ADARB1: variants seen among roughly 807,000 people sequenced by gnomAD.
ADARB1 encodes the protein adenosine deaminase RNA specific B1, also known as double-stranded RNA-specific editase 1.
Under a neutral mutation model 52.4 loss-of-function variants are expected in ADARB1, and 10 were observed. That is an observed-to-expected ratio of 0.19 (90% CI 0.12 to 0.32). The LOEUF is 0.32. ADARB1 is among the 10% of genes least tolerant of loss of function. The pLI is 1.00. For synonymous variants in ADARB1, 349 were observed against 371.1 expected, an observed-to-expected ratio of 0.94 and a Z score of 0.68; for missense variants, 643 against 922.3, an observed-to-expected ratio of 0.70 and a Z score of 3.92.
chr21:45,208,591 G>GT lies in ADARB1; in HGVS notation c.1747+3856dup, dbSNP rs1417802322. ...GGAGTGAGAGAGAAGGAACATCACT[G>GT]TGAGAGTGTGGAAAGTGTGTGTGTG... On this transcript the variant is annotated intron_variant, in intron 9 of 10. Transcript: ENST00000348831. This position sits in a 1 kb window ranked among gnomAD's most constrained non-coding sequence, Gnocchi z 5.6. Among the ~76,000 whole-genome samples, 1 of 151,936 alleles carries GT rather than the reference G, an allele frequency of 6.6e-6. No individual in the cohort carries two copies. The highest frequency in any genetic ancestry group is 2.4e-5 in the African/African-American group (1 of 41,382).
At chr21:45,152,449 T>C (rs1387509725) in intron 2 of ADARB1, among the ~76,000 whole-genome samples, 2 of 152,320 alleles carry the variant, frequency 1.3e-5, no homozygotes, top group East Asian at 3.9e-4. Flanking sequence ...AACTGCGGCA[T>C]GATGAATGGG....
intron 2 of ADARB1, among the ~76,000 whole-genome samples, chr21:45,169,424 G>A (rs969156920): frequency 1.3e-5 from 2 of 152,130 alleles, no homozygotes; most frequent in Admixed American, 6.5e-5. Context: ...AGCTTTTGTT[G>A]CAGCTTTTTG....
At chr21:45,100,483 C>T (rs1342241293) in intron 1 of ADARB1, 2 of 152,258 alleles carry the variant, frequency 1.3e-5, no homozygotes, top group Non-Finnish European at 1.5e-5. Flanking sequence ...CGCACACTAC[C>T]TGGTCATATT....
At chr21:45,164,520 C>G (rs548453417) in intron 2 of ADARB1, among the ~76,000 whole-genome samples, 3 of 48,198 alleles carry the variant, frequency 6.2e-5, no homozygotes, top group Non-Finnish European at 1.4e-4. Context: ...TTGCACTGTG[C>G]GTGGAGGGAG....
intron 2 of ADARB1, chr21:45,137,308 G>A (rs1042258269): frequency 6.6e-6 from 1 of 152,258 alleles, no homozygotes; most frequent in African/African-American, 2.4e-5. Flanking sequence ...GCTGGAGGCT[G>A]AGGTTCCAGC....
In ADARB1 at chr21:45,223,965, C is replaced by G; in HGVS notation, c.*1768C>G. On this transcript the variant is annotated 3_prime_UTR_variant, in exon 11 of 11. Transcript: ENST00000348831. ...GGTAGTTGTCTCCCTGAAGCAGTCA[C>G]AGCAGGCGTCTCTGCCGCTCCGTCA... 1.0e-6 allele frequency: 1 copy of G among 985,468 alleles called. No homozygotes were observed. Among genetic ancestry groups the G allele is most frequent in the Non-Finnish European group, 1.2e-6 (1 of 829,982 alleles). The allele number at this position is 985,468 out of a possible 1,614,324, so 61.0% of individuals were successfully genotyped here.
chr21:45,184,887 A>AC lies in ADARB1; in HGVS notation c.1397-35dup, dbSNP rs748885039. 20 of 1,566,408 alleles carry AC rather than the reference A, an allele frequency of 1.3e-5. No individual in the cohort carries two copies. The South Asian group carries it at 2.2e-4, about 17-fold the overall frequency. Reference sequence around the variant, plus strand: ...TTTCAATAAATCAAATAGATGGTTTACTACCTGTGGGGTTTTAACTCTTTT... The same window carrying AC: ...TTTCAATAAATCAAATAGATGGTTTACCTACCTGTGGGGTTTTAACTCTTTT... On this transcript the variant is annotated intron_variant, in intron 7 of 10. Coordinates refer to ENST00000348831, the MANE Select transcript of ADARB1 (RefSeq NM_001112.4).
intron 1 of ADARB1, among the ~76,000 whole-genome samples, chr21:45,087,977 G>A (rs554412650): frequency 2.3e-4 from 35 of 152,280 alleles, no homozygotes; most frequent in Non-Finnish European, 4.3e-4. Flanking sequence ...AAGCAGAATC[G>A]TAGTGGATAA....
chr21:45,218,804 G>C (rs2092913375), intron 9 of ADARB1, among the ~76,000 whole-genome samples: 1 of 152,242 alleles, frequency 6.6e-6, no homozygotes, highest in Non-Finnish European at 1.5e-5. Flanking sequence ...TCATCTGAGA[G>C]TGCAGTGTGC....
intron 9 of ADARB1, among the ~76,000 whole-genome samples, chr21:45,206,309 A>C (rs1031338192): frequency 6.6e-6 from 1 of 152,242 alleles, no homozygotes; most frequent in Non-Finnish European, 1.5e-5. Flanking sequence ...GGCCTTGTTG[A>C]ATAGCGCTGT....
intron 1 of ADARB1, among the ~76,000 whole-genome samples, chr21:45,085,215 C>G (rs931893175): frequency 6.6e-6 from 1 of 152,150 alleles, no homozygotes; most frequent in African/African-American, 2.4e-5. Flanking sequence ...TCTGACTGGC[C>G]GAGTGCACCC....
At chr21:45,136,514 C>T (rs1028147207) in intron 2 of ADARB1, among the ~76,000 whole-genome samples, 5 of 152,238 alleles carry the variant, frequency 3.3e-5, no homozygotes, top group African/African-American at 1.2e-4. Flanking sequence ...GTTTCAGAAC[C>T]TGTAGCAGCG....
chr21:45,127,893 G>A (rs1321632371), intron 1 of ADARB1, among the ~76,000 whole-genome samples: 1 of 152,110 alleles, frequency 6.6e-6, no homozygotes, highest in Non-Finnish European at 1.5e-5. Context: ...GGTTGAAAAC[G>A]CTTTCACACA....
At chr21:45,206,083 T>C (rs1378396334) in intron 9 of ADARB1, among the ~76,000 whole-genome samples, 2 of 152,204 alleles carry the variant, frequency 1.3e-5, no homozygotes, top group Non-Finnish European at 2.9e-5. Flanking sequence ...TAGGTTGAAA[T>C]TGTAGCATCA....
At position 45,220,224 on chromosome 21, in the gene ADARB1, A is replaced by G. The variant is rs1195520097; in HGVS notation, c.1748-612A>G. Among the ~76,000 whole-genome samples the G allele has an allele frequency of 6.6e-6, 1 of 152,158 alleles. No homozygotes were observed. The highest frequency in any genetic ancestry group is 2.4e-5 in the African/African-American group (1 of 41,428). On this transcript the variant is annotated intron_variant, in intron 9 of 10. Transcript: ENST00000348831. This position sits in a 1 kb window ranked among gnomAD's most constrained non-coding sequence, Gnocchi z 6.3. ...TATTTTGGTGCCAAAAAATTTTGAA[A>G]TCCATGAGGTTTTTTCATAATAAGC...
chr21:45,131,621 G>A (rs924083914), intron 2 of ADARB1, among the ~76,000 whole-genome samples: 3 of 152,192 alleles, frequency 2.0e-5, no homozygotes, highest in East Asian at 1.9e-4. Flanking sequence ...CATCGCTGCC[G>A]CCTCCTGCTC....
Position 45,224,457 on chromosome 21 carries a change from G to A in ADARB1, c.*2260G>A. The A allele has an allele frequency of 1.0e-6, 1 of 991,164 alleles. No homozygotes were observed. The highest frequency in any genetic ancestry group is 1.2e-6 in the Non-Finnish European group (1 of 834,130). The allele number at this position is 991,164 out of a possible 1,614,324, so 61.4% of individuals were successfully genotyped here. A position where few individuals can be genotyped will look rare whatever the true frequency, so the allele number is the denominator to read the frequency against. On this transcript the variant is annotated 3_prime_UTR_variant, in exon 11 of 11. Coordinates refer to ENST00000348831, the MANE Select transcript of ADARB1 (RefSeq NM_001112.4). ...CCTATCCCAAGCCGTCCAGGCAGGA[G>A]GAAGGCAGCCAAGGCAACTGGGTTC...
Position 45,176,454 on chromosome 21 carries a change from C to G in ADARB1, c.753C>G (p.Phe251Leu), listed in dbSNP as rs73384785. 1 of 1,614,174 alleles carries G rather than the reference C, an allele frequency of 6.2e-7. No homozygotes were observed. The highest frequency in any genetic ancestry group is 8.5e-7 in the Non-Finnish European group (1 of 1,180,042). Residue 251 changes from phenylalanine to leucine, a missense_variant, in exon 4 of 11, where the codon TTC becomes TTG. Coordinates refer to ENST00000348831, the MANE Select transcript of ADARB1 (RefSeq NM_001112.4). This position sits in a 1 kb window ranked among gnomAD's most constrained non-coding sequence, Gnocchi z 5.8. ...TGCGCCCAGGACTCAAGTATGACTT[C>G]CTCTCCGAGAGCGGGGAGAGCCATG... is the stretch of plus-strand genomic sequence containing the variant. ...NELRPGLKYD[F>L]LSESGESHAK...
intron 9 of ADARB1, among the ~76,000 whole-genome samples, chr21:45,207,564 G>T (rs771120006): frequency 2.6e-5 from 4 of 152,186 alleles, no homozygotes; most frequent in Non-Finnish European, 4.4e-5. Flanking sequence ...TTAAAAATGG[G>T]TCCCAAAGCA....
Sources: allele counts gnomAD v4.1 joint callset (sites outside exome capture counted in the v4.1 genomes callset), GRCh38; gene constraint gnomAD v4.1.1; non-coding constraint Gnocchi (gnomAD v3.1); transcripts MANE v1.5; gene names NCBI Gene and HGNC (gene_info 2026-07-23, HGNC 2026-07-21).